The following HMCN1 variants were observed in gnomAD, a reference collection of about 807,000 sequenced individuals.
HMCN1 encodes the protein hemicentin-1.
In HMCN1, 321 loss-of-function variants were observed where a neutral mutation model predicts 625.9. The observed-to-expected ratio is 0.51, with a 90% CI of 0.47 to 0.56. The LOEUF (loss-of-function observed/expected upper bound fraction) is 0.56. Among genes scored for constraint, HMCN1 ranks in the 20% least tolerant of loss-of-function variants. The probability of loss-of-function intolerance (pLI) is 0.00; values close to 1 mark genes in which losing one functional copy is unlikely to be tolerated. For missense variants in HMCN1, 6,588 were observed against 6,887.3 expected, an observed-to-expected ratio of 0.96 and a Z score of 1.54; for synonymous variants, 2,425 against 2,417.6, an observed-to-expected ratio of 1.00 and a Z score of -0.09.
intron 86 of HMCN1, among the ~76,000 whole-genome samples, chr1:186,133,211 G>A (rs1245408262): frequency 6.6e-6 from 1 of 152,184 alleles, no homozygotes; most frequent in Non-Finnish European, 1.5e-5. Flanking sequence ...AGGTGGCAGA[G>A]CTTTTTAATT....
intron 4 of HMCN1, among the ~76,000 whole-genome samples, chr1:185,893,879 C>T (rs1324824938): frequency 1.3e-5 from 2 of 152,140 alleles, no homozygotes; most frequent in Non-Finnish European, 2.9e-5. Flanking sequence ...AGCACTCAGA[C>T]TGAGAAACAG....
At position 185,896,719 on chromosome 1, in the gene HMCN1, G is replaced by A. The variant is rs576839159; in HGVS notation, c.622-12618G>A. Among the ~76,000 whole-genome samples, 6 of 152,246 alleles carry A rather than the reference G, an allele frequency of 3.9e-5. No individual in the cohort carries two copies. The South Asian group carries it at 8.3e-4, about 21-fold the overall frequency. ...TAGAGGAACTGGCATTCTCCTAATC[G>A]TTCTAATATATACATGGGTCTAATA... On this transcript the variant is annotated intron_variant, in intron 4 of 106. Coordinates refer to ENST00000271588, the MANE Select transcript of HMCN1 (RefSeq NM_031935.3).
intron 4 of HMCN1, among the ~76,000 whole-genome samples, chr1:185,892,490 G>T (rs1488704302): frequency 6.6e-6 from 1 of 151,906 alleles, no homozygotes; most frequent in African/African-American, 2.4e-5. Flanking sequence ...TGGGTTTTTG[G>T]TGTGGATGTC....
intron 100 of HMCN1, among the ~76,000 whole-genome samples, chr1:186,169,443 A>G (rs1652083975): frequency 6.6e-6 from 1 of 152,226 alleles, no homozygotes; most frequent in Admixed American, 6.5e-5. Flanking sequence ...TTCAAACTAT[A>G]TTACAAGGCT....
At chr1:186,001,032 G>A (rs1209405691) in intron 26 of HMCN1, among the ~76,000 whole-genome samples, 3 of 151,942 alleles carry the variant, frequency 2.0e-5, no homozygotes, top group African/African-American at 7.2e-5. Flanking sequence ...AGTAATATGT[G>A]AAATAAAAGT....
At chr1:186,025,268 A>C (rs7512909) in intron 36 of HMCN1, among the ~76,000 whole-genome samples, 94,622 of 151,990 alleles carry the variant, frequency 0.62, 30,365 homozygotes, top group African/African-American at 0.79. Flanking sequence ...GTTCCTAACC[A>C]GCCATCAACT....
chr1:186,135,872 A>C (rs1649566595), intron 86 of HMCN1, among the ~76,000 whole-genome samples: 1 of 152,198 alleles, frequency 6.6e-6, no homozygotes, highest in African/African-American at 2.4e-5. Flanking sequence ...CTATAGCACA[A>C]GTCTGTCTTA....
chr1:186,031,201 C>T (rs1375714990), intron 36 of HMCN1, among the ~76,000 whole-genome samples: 1 of 151,928 alleles, frequency 6.6e-6, no homozygotes, highest in Non-Finnish European at 1.5e-5. Context: ...GCAATGAATT[C>T]TTCCTAGAAT....
chr1:185,739,135 T>A (rs1300847279), intron 1 of HMCN1, among the ~76,000 whole-genome samples: 2 of 152,224 alleles, frequency 1.3e-5, no homozygotes, highest in Non-Finnish European at 2.9e-5. Context: ...TTTCTGTTCC[T>A]GCATTAATAT....
intron 23 of HMCN1, 79 bp downstream of exon 23, chr1:185,993,388 T>C: frequency 1.3e-6 from 2 of 1,539,768 alleles, no homozygotes; most frequent in Non-Finnish European, 1.8e-6. Context: ...TATTTGATAG[T>C]TAATTTCCAA....
At chr1:185,772,630 G>A (rs1057432636) in intron 1 of HMCN1, among the ~76,000 whole-genome samples, 5 of 152,126 alleles carry the variant, frequency 3.3e-5, no homozygotes, top group East Asian at 1.9e-4. Context: ...TTTGGACATC[G>A]TAGTGGTAAC....
intron 11 of HMCN1, among the ~76,000 whole-genome samples, chr1:185,947,490 C>T (rs1668407609): frequency 6.6e-6 from 1 of 152,212 alleles, no homozygotes; most frequent in South Asian, 2.1e-4. Context: ...GCAACTGCCA[C>T]ATTGATAAAC....
At position 186,018,311 on chromosome 1, in the gene HMCN1, C is replaced by G; in HGVS notation, c.5429C>G (p.Thr1810Ser). The change falls in exon 34 of 107, where the codon ACT becomes AGT. Residue 1810 changes from threonine to serine, a missense_variant. Thr to Ser is a moderately conservative substitution (Grantham distance 58, BLOSUM62 1). This residue lies in a region of HMCN1 where 4,628 missense variants were observed against 4,853.1 expected (regional missense o/e 0.95). Transcript: ENST00000271588. ...CTTTATCGGTGCATGGCAGCAAATA[C>G]TGCTGGAGACCACAAGAAGGAATTT... ...TGLYRCMAANTAGDHKKEFEV... is the reference protein window; with the variant it reads ...TGLYRCMAANSAGDHKKEFEV... The G allele has an allele frequency of 6.2e-7, 1 of 1,612,886 alleles. No homozygotes were observed. Among genetic ancestry groups the G allele is most frequent in the Non-Finnish European group, 8.5e-7 (1 of 1,179,116 alleles).
chr1:186,103,421 A>G (rs747323834), intron 68 of HMCN1, 51 bp from the exon 69 acceptor site: 2 of 1,474,838 alleles, frequency 1.4e-6, no homozygotes, highest in South Asian at 1.1e-5. Context: ...CTAACGAGCA[A>G]TATTTTATGA....
intron 5 of HMCN1, among the ~76,000 whole-genome samples, chr1:185,909,911 A>G (rs1416097942): frequency 6.6e-6 from 1 of 152,040 alleles, no homozygotes; most frequent in Non-Finnish European, 1.5e-5. Flanking sequence ...CCACTCTATC[A>G]TTTTCTTGAT....
chr1:185,804,142 C>G (rs951643522), intron 1 of HMCN1, among the ~76,000 whole-genome samples: 1 of 151,822 alleles, frequency 6.6e-6, no homozygotes, highest in Non-Finnish European at 1.5e-5. Flanking sequence ...ATTGAAATGG[C>G]TAAAGAGGGC....
chr1:186,032,898 G>C (rs12091407), intron 36 of HMCN1, among the ~76,000 whole-genome samples: 98,090 of 152,002 alleles, frequency 0.65, 33,610 homozygotes, highest in African/African-American at 0.9. Context: ...TTCAACCCAG[G>C]AATCTCACTA....
intron 1 of HMCN1, among the ~76,000 whole-genome samples, chr1:185,812,008 A>C (rs1307172502): frequency 6.6e-6 from 1 of 152,336 alleles, no homozygotes; most frequent in East Asian, 1.9e-4. Context: ...GTTTCCTTTC[A>C]ACTTAAGGCA....
intron 1 of HMCN1, among the ~76,000 whole-genome samples, chr1:185,821,917 A>G (rs1425885414): frequency 6.6e-6 from 1 of 151,822 alleles, no homozygotes; most frequent in Admixed American, 6.6e-5. Context: ...TTACAACAAT[A>G]GAAGAACCTC....
Sources: allele counts gnomAD v4.1 joint callset (sites outside exome capture counted in the v4.1 genomes callset), GRCh38; gene constraint gnomAD v4.1.1; regional missense constraint gnomAD v4.1.1; transcripts MANE v1.5; gene names NCBI Gene and HGNC (gene_info 2026-07-23, HGNC 2026-07-21).